Variants in NOL4L observed in about 807,000 individuals in gnomAD.
NOL4L encodes the protein nucleolar protein 4 like.
NOL4L carries 7 observed loss-of-function variants against 64.5 expected under a neutral mutation model. The observed-to-expected ratio is 0.11, with a 90% CI of 0.06 to 0.20. NOL4L has a LOEUF of 0.20. Among genes scored for constraint, NOL4L ranks in the 10% least tolerant of loss-of-function variants. The pLI, the probability that NOL4L is intolerant of heterozygous loss-of-function variation, is 1.00. For synonymous variants in NOL4L, 413 were observed against 401.0 expected (o/e 1.03, Z -0.36); for missense variants, 680 against 967.1 (o/e 0.70, Z 3.94).
At chr20:32,561,434 G>A (rs987844288) in intron 1 of NOL4L, among the ~76,000 whole-genome samples, 4 of 152,314 alleles carry the variant, frequency 2.6e-5, no homozygotes, top group East Asian at 3.9e-4. Flanking sequence ...TCTTAATGGC[G>A]CAATACAAGA....
In NOL4L at chr20:32,453,615, G is replaced by A. The variant is rs758492669; in HGVS notation, c.1266C>T (p.Asp422=). The A allele has an allele frequency of 1.9e-6, 3 of 1,613,246 alleles. No individual in the cohort carries two copies. The highest frequency in any genetic ancestry group is 2.2e-5 in the South Asian group (2 of 90,936). ...GACGCTCAGGGTCCATGCCTTCAGAGTCGTTCATCTTGTCATTGTCCTCAT... is the reference window on the plus strand; with the variant it reads ...GACGCTCAGGGTCCATGCCTTCAGAATCGTTCATCTTGTCATTGTCCTCAT... ...DDHEDNDKMN[D]SEGMDPERLK... is the part of the protein sequence containing the mutation. The change falls in exon 7 of 11, where the codon GAC becomes GAT. Residue 422 remains aspartate (D), a synonymous_variant. Transcript: ENST00000621426. The surrounding 1 kb of genome is among the most constrained non-coding windows in gnomAD (Gnocchi z 5.6).
rs113009051 is a variant in NOL4L, at chr20:32,489,999, C to T, written c.700-15257G>A. Among the ~76,000 whole-genome samples, 52 of 150,606 alleles carry T rather than the reference C, an allele frequency of 3.5e-4. 1 individual carries two copies. Among genetic ancestry groups the T allele is most frequent in the Middle Eastern group, 3.4e-3 (1 of 294 alleles). ...CAAAAATTAGCTGGGCGTGGTGGTG[C>T]GTGTCTGTAGTCCTAGCTACTGGGG... is the stretch of plus-strand genomic sequence containing the variant. On this transcript the variant is annotated intron_variant, in intron 4 of 10. Transcript: ENST00000621426.
chr20:32,535,843 C>T lies in NOL4L; in HGVS notation c.322-7930G>A, dbSNP rs1170829423. ...GAGAGGGGCTGGGGAAATGCAGATC[C>T]GAATGACAATGACTTATGAGGGCTG... On this transcript the variant is annotated intron_variant, in intron 1 of 10. Coordinates refer to ENST00000621426, the MANE Select transcript of NOL4L (RefSeq NM_001256798.2). The T allele has an allele frequency of 3.0e-6, 3 of 985,558 alleles. No individual in the cohort carries two copies. In the African/African-American group the frequency reaches 5.2e-5, roughly 17 times the overall value. The allele number at this position is 985,558 out of a possible 1,614,324, so 61.1% of individuals were successfully genotyped here. A position where few individuals can be genotyped will look rare whatever the true frequency, so the allele number is the denominator to read the frequency against.
chr20:32,478,659 G>T (rs1385297512), intron 4 of NOL4L, among the ~76,000 whole-genome samples: 2 of 152,216 alleles, frequency 1.3e-5, no homozygotes, highest in Non-Finnish European at 2.9e-5. Flanking sequence ...CTGGAGTACA[G>T]TGGTGCAATA....
Position 32,497,452 on chromosome 20 carries a change from A to G in NOL4L, c.699+13895T>C, listed in dbSNP as rs6058721. Among the ~76,000 whole-genome samples the G allele has an allele frequency of 2.2e-3, 341 of 152,324 alleles. 1 individual carries two copies. Among genetic ancestry groups the G allele is most frequent in the African/African-American group, 8.0e-3 (331 of 41,562 alleles). On this transcript the variant is annotated intron_variant, in intron 4 of 10. Coordinates refer to ENST00000621426, the MANE Select transcript of NOL4L (RefSeq NM_001256798.2). ...CTTAAGTAGAAGGCTTGACAAAGCC[A>G]TCAGGGGTCCCGCATTCAAAATAAA...
intron 5 of NOL4L, among the ~76,000 whole-genome samples, chr20:32,473,899 T>C (rs893692371): frequency 6.6e-6 from 1 of 152,148 alleles, no homozygotes; most frequent in African/African-American, 2.4e-5. Context: ...CTCACAACCC[T>C]GGCACACCAA....
intron 4 of NOL4L, among the ~76,000 whole-genome samples, chr20:32,489,592 T>C (rs2016371093): frequency 6.6e-6 from 1 of 152,204 alleles, no homozygotes. Flanking sequence ...TTTTCTATTA[T>C]GTGTGGATTT....
At chr20:32,571,874 G>A (rs1441907620) in intron 1 of NOL4L, among the ~76,000 whole-genome samples, 1 of 152,236 alleles carries the variant, frequency 6.6e-6, no homozygotes, top group Non-Finnish European at 1.5e-5. Flanking sequence ...CTCGGCTGAT[G>A]TGGAGTGGCC....
At chr20:32,475,747 C>G (rs1227142669) in intron 4 of NOL4L, among the ~76,000 whole-genome samples, 1 of 152,196 alleles carries the variant, frequency 6.6e-6, no homozygotes, top group Non-Finnish European at 1.5e-5. Context: ...GGACCTCTGA[C>G]AGAGCACCCC....
chr20:32,520,767 T>C (rs1236952464), intron 3 of NOL4L, 44 bp downstream of exon 3: 3 of 1,274,540 alleles, frequency 2.4e-6, no homozygotes, highest in South Asian at 1.3e-5. Flanking sequence ...AGTCCACTCT[T>C]AGATGGCCCC....
At chr20:32,469,130 C>A (rs897017823) in intron 5 of NOL4L, among the ~76,000 whole-genome samples, 1 of 151,942 alleles carries the variant, frequency 6.6e-6, no homozygotes, top group Non-Finnish European at 1.5e-5. Flanking sequence ...GGGCACACAG[C>A]GGGCTCAGGA....
chr20:32,532,529 A>C, intron 1 of NOL4L: 3 of 210,940 alleles, frequency 1.4e-5, no homozygotes, highest in Non-Finnish European at 2.5e-5. Flanking sequence ...CAGGGGAGGC[A>C]GGCCTTCCCT....
chr20:32,483,388 G>A, intron 4 of NOL4L: 1 of 985,286 alleles, frequency 1.0e-6, no homozygotes, highest in Non-Finnish European at 1.2e-6. Flanking sequence ...GCGGAGATGG[G>A]CGGTCGGGAT....
intron 4 of NOL4L, chr20:32,475,458 GGCCTGCTAGAGAGGACCAC>G (rs2015328253): frequency 4.6e-6 from 2 of 437,198 alleles, no homozygotes; most frequent in Non-Finnish European, 6.1e-6. Context: ...ACAGCCGGAT[GGCCTGCTAGAGAGGACCAC>G]GCCTGCCTCC....
chr20:32,491,099 A>C (rs1175013396), intron 4 of NOL4L, among the ~76,000 whole-genome samples: 1 of 152,226 alleles, frequency 6.6e-6, no homozygotes, highest in African/African-American at 2.4e-5. Context: ...GTGACATGGC[A>C]ATGTACAATA....
At chr20:32,526,064 T>G (rs559255009) in intron 2 of NOL4L, among the ~76,000 whole-genome samples, 13 of 152,102 alleles carry the variant, frequency 8.5e-5, no homozygotes, top group African/African-American at 3.1e-4. Flanking sequence ...GGCCCCAATT[T>G]TTTTTTTTAA....
chr20:32,454,504 G>A (rs1462682382), intron 6 of NOL4L, among the ~76,000 whole-genome samples: 1 of 152,138 alleles, frequency 6.6e-6, no homozygotes, highest in East Asian at 1.9e-4. Flanking sequence ...TTTCTCCCTG[G>A]CCAAGCCCCT....
At position 32,554,580 on chromosome 20, in the gene NOL4L, T is replaced by C. The variant is rs561763824; in HGVS notation, c.322-26667A>G. On this transcript the variant is annotated intron_variant, in intron 1 of 10. Transcript: ENST00000621426. ...TATCATAGGAGGCTCAGATGCTTCA[T>C]TGAGGATCCACCCCTGGTCCTGTAT... Among the ~76,000 whole-genome samples, 117 of 152,216 alleles carry C rather than the reference T, an allele frequency of 7.7e-4. 1 individual carries two copies. The highest frequency in any genetic ancestry group is 1.3e-3 in the Admixed American group (20 of 15,300).
chr20:32,491,453 C>T (rs1336234016), intron 4 of NOL4L, among the ~76,000 whole-genome samples: 3 of 152,188 alleles, frequency 2.0e-5, no homozygotes, highest in African/African-American at 7.2e-5. Flanking sequence ...TGAACTGACG[C>T]GTTTGTGGTA....
Sources: allele counts gnomAD v4.1 joint callset (sites outside exome capture counted in the v4.1 genomes callset), GRCh38; gene constraint gnomAD v4.1.1; non-coding constraint Gnocchi (gnomAD v3.1); transcripts MANE v1.5; gene names NCBI Gene and HGNC (gene_info 2026-07-23, HGNC 2026-07-21).